Variants in ASXL3 observed in about 807,000 individuals in gnomAD.
ASXL3 encodes putative Polycomb group protein ASXL3.
A neutral mutation model predicts 170.6 loss-of-function variants in ASXL3; 34 were observed. The ratio of observed to expected loss-of-function variants is 0.20; its 90% CI spans 0.15 to 0.27. ASXL3 has a LOEUF of 0.27. Ranked by LOEUF, ASXL3 falls within the 10% of genes least tolerant of loss-of-function variation. ASXL3 has a pLI of 1.00. For synonymous variants in ASXL3, 1,002 were observed against 989.1 expected (o/e 1.01, Z -0.24); for missense variants, 2,592 against 2,695.3 (o/e 0.96, Z 0.85).
At position 33,738,829 on chromosome 18, in the gene ASXL3, A is replaced by G; in HGVS notation, c.1425A>G (p.Glu475=). Residue 475 remains glutamate (E), a synonymous_variant, in exon 11 of 12, where the codon GAA becomes GAG. Transcript: ENST00000269197. ...CQDENHKTIP[E]FSEEAESLTN... is the part of the protein sequence containing the mutation. The stretch of plus-strand genomic sequence containing the variant: ...ATGAAAATCATAAGACAATACCTGA[A>G]TTTTCTGAGGAGGCTGAAAGTCTAA... 2 of 1,613,630 alleles carry G rather than the reference A, an allele frequency of 1.2e-6. No homozygotes were observed. Among genetic ancestry groups the G allele is most frequent in the Non-Finnish European group, 1.7e-6 (2 of 1,179,846 alleles).
chr18:33,718,190 A>G (rs1410618206), intron 8 of ASXL3, among the ~76,000 whole-genome samples: 3 of 152,140 alleles, frequency 2.0e-5, no homozygotes, highest in Non-Finnish European at 4.4e-5. Context: ...CCCTGCCTTC[A>G]GGGAGATTAT....
intron 8 of ASXL3, among the ~76,000 whole-genome samples, chr18:33,713,346 C>CA (rs1555736920): frequency 2.2e-5 from 3 of 133,838 alleles, no homozygotes; most frequent in South Asian, 2.5e-4. Flanking sequence ...CCTCCACCCC[C>CA]CCCCGGGTTC....
chr18:33,717,855 G>C (rs2067190734), intron 8 of ASXL3, among the ~76,000 whole-genome samples: 1 of 152,084 alleles, frequency 6.6e-6, no homozygotes, highest in East Asian at 1.9e-4. Context: ...TCTGGTTTGT[G>C]CACAGCTAAT....
intron 1 of ASXL3, among the ~76,000 whole-genome samples, chr18:33,589,297 G>A (rs2065059311): frequency 6.6e-6 from 1 of 152,158 alleles, no homozygotes; most frequent in South Asian, 2.1e-4. Flanking sequence ...GACGTTATAA[G>A]ATGCCAGTTA....
chr18:33,588,437 A>T (rs1319404043), intron 1 of ASXL3, among the ~76,000 whole-genome samples: 2 of 151,122 alleles, frequency 1.3e-5, no homozygotes, highest in African/African-American at 2.4e-5. Flanking sequence ...ATAAATAGGG[A>T]TCAATAGAGG....
intron 8 of ASXL3, 52 bp from the exon 9 acceptor site, chr18:33,731,916 T>G: frequency 6.7e-6 from 10 of 1,494,352 alleles, no homozygotes; most frequent in Non-Finnish European, 9.2e-6. Flanking sequence ...TGCATACTTT[T>G]GCTTTGACTT....
chr18:33,636,343 A>AGCC (rs2065765183), intron 2 of ASXL3, among the ~76,000 whole-genome samples: 1 of 41,902 alleles, frequency 2.4e-5, no homozygotes, highest in African/African-American at 9.7e-5. Flanking sequence ...CAGCAACAAC[A>AGCC]ACAGCCACAA....
At chr18:33,623,864 C>T (rs1017618277) in intron 2 of ASXL3, among the ~76,000 whole-genome samples, 1 of 152,024 alleles carries the variant, frequency 6.6e-6, no homozygotes, top group Non-Finnish European at 1.5e-5. Flanking sequence ...TATATATTAA[C>T]GACTAATGTT....
chr18:33,679,968 ATTC>A (rs2066488542), intron 7 of ASXL3, among the ~76,000 whole-genome samples: 1 of 151,848 alleles, frequency 6.6e-6, no homozygotes, highest in South Asian at 2.1e-4. Context: ...GGTTTTCATT[ATTC>A]TTTTCTGTTT....
chr18:33,707,210 T>C (rs920869022), intron 8 of ASXL3, among the ~76,000 whole-genome samples: 10 of 151,998 alleles, frequency 6.6e-5, no homozygotes, highest in Non-Finnish European at 1.3e-4. Flanking sequence ...AGAAGCCCTT[T>C]GTATTTTCAT....
At chr18:33,654,131 A>T (rs2066045957) in intron 4 of ASXL3, among the ~76,000 whole-genome samples, 1 of 152,028 alleles carries the variant, frequency 6.6e-6, no homozygotes, top group African/African-American at 2.4e-5. Flanking sequence ...ATTTAAGCAT[A>T]CTTTCATCTC....
At chr18:33,690,877 A>G (rs1173801427) in intron 8 of ASXL3, among the ~76,000 whole-genome samples, 1 of 152,054 alleles carries the variant, frequency 6.6e-6, no homozygotes, top group African/African-American at 2.4e-5. Flanking sequence ...CTAACACTGC[A>G]CATCAGGCTA....
chr18:33,656,684 A>G (rs916620165), intron 4 of ASXL3, among the ~76,000 whole-genome samples: 1 of 152,140 alleles, frequency 6.6e-6, no homozygotes, highest in African/African-American at 2.4e-5. Context: ...AAATCTATCT[A>G]TAATTAGTGG....
chr18:33,715,085 C>T (rs2067141196), intron 8 of ASXL3, among the ~76,000 whole-genome samples: 1 of 152,170 alleles, frequency 6.6e-6, no homozygotes, highest in South Asian at 2.1e-4. Context: ...GGACAATGGA[C>T]ATGAAGGTCA....
intron 4 of ASXL3, among the ~76,000 whole-genome samples, chr18:33,648,540 A>G (rs536710980): frequency 2.1e-4 from 32 of 152,218 alleles, no homozygotes; most frequent in Admixed American, 7.2e-4. Context: ...TTCTTTTTCA[A>G]TATCTAGGTG....
intron 8 of ASXL3, among the ~76,000 whole-genome samples, chr18:33,713,259 T>TTTTTTTTTTTTTTTTA (rs2067105734): frequency 8.7e-6 from 1 of 115,496 alleles, no homozygotes; most frequent in African/African-American, 3.5e-5. Context: ...TTTTTTTTTT[T>TTTTTTTTTTTTTTTTA]TTTTTTTTTT....
chr18:33,580,656 A>G (rs1196128091), intron 1 of ASXL3, among the ~76,000 whole-genome samples: 1 of 152,184 alleles, frequency 6.6e-6, no homozygotes, highest in Non-Finnish European at 1.5e-5. Context: ...ATATATCTGT[A>G]TTGATATAAT....
chr18:33,713,123 G>A (rs899290574), intron 8 of ASXL3, among the ~76,000 whole-genome samples: 3 of 151,700 alleles, frequency 2.0e-5, no homozygotes, highest in African/African-American at 7.3e-5. Flanking sequence ...ATCATCTCTA[G>A]TGTGGCTCAA....
At chr18:33,667,176 A>G (rs1182389270) in intron 5 of ASXL3, among the ~76,000 whole-genome samples, 1 of 152,166 alleles carries the variant, frequency 6.6e-6, no homozygotes, top group East Asian at 1.9e-4. Flanking sequence ...TCTGCCTCCC[A>G]GAAGGTTATG....
Sources: allele counts gnomAD v4.1 joint callset (sites outside exome capture counted in the v4.1 genomes callset), GRCh38; gene constraint gnomAD v4.1.1; transcripts MANE v1.5; gene names NCBI Gene and HGNC (gene_info 2026-07-23, HGNC 2026-07-21).